Variants in XIRP2 observed in about 807,000 individuals in gnomAD.
The protein encoded by XIRP2 is xin actin-binding repeat-containing protein 2.
In XIRP2, 236 loss-of-function variants were observed where a neutral mutation model predicts 277.0. The observed-to-expected ratio is 0.85, with a 90% CI of 0.77 to 0.95. The LOEUF (loss-of-function observed/expected upper bound fraction) is 0.95, where lower values mean the gene tolerates loss of function less well. XIRP2 is among the 40% of genes least tolerant of loss of function. The pLI is 0.00. For missense variants in XIRP2, 4,640 were observed against 4,157.5 expected (o/e 1.12, Z -3.19); for synonymous variants, 1,490 against 1,416.5 (o/e 1.05, Z -1.17).
At position 167,251,483 on chromosome 2, in the gene XIRP2, T is replaced by C. The variant is rs200019960; in HGVS notation, c.10091T>C (p.Ile3364Thr). The C allele has an allele frequency of 7.4e-5, 119 of 1,613,504 alleles. No homozygotes were observed. In the African/African-American group the frequency reaches 9.6e-4, roughly 13 times the overall value. Residue 3364 changes from isoleucine to threonine, a missense_variant, in exon 9 of 11, where the codon ATA (isoleucine) becomes ACA (threonine). Transcript: ENST00000409195. ...GCAAAGGGAGAAACAAACCATAACATACAACAAGAAAGTCGTACATTTTGT... is the reference window on the plus strand; with the variant it reads ...GCAAAGGGAGAAACAAACCATAACACACAACAAGAAAGTCGTACATTTTGT... ...VYAKGETNHN[I>T]QQESRTFCKE...
In XIRP2 at chr2:167,244,696, C is replaced by T; in HGVS notation, c.3304C>T (p.Pro1102Ser). 3.1e-6 allele frequency: 5 copies of T among 1,613,430 alleles called. No individual in the cohort carries two copies. Among genetic ancestry groups the T allele is most frequent in the Non-Finnish European group, 4.2e-6 (5 of 1,179,696 alleles). Residue 1102 changes from proline (P) to serine (S), a missense_variant, in exon 9 of 11, where the codon CCA becomes TCA. Pro to Ser is a moderately conservative substitution (Grantham distance 74). Coordinates refer to ENST00000409195, the MANE Select transcript of XIRP2 (RefSeq NM_152381.6). ...KTCKWLFETQ[P>S]MESLYEKVSL... is the part of the protein sequence containing the mutation. Reference sequence around the variant, plus strand: ...CTGTAAATGGCTTTTTGAGACCCAGCCAATGGAGTCTCTTTATGAAAAAGT... The same window carrying T: ...CTGTAAATGGCTTTTTGAGACCCAGTCAATGGAGTCTCTTTATGAAAAAGT...
chr2:167,126,340 C>A (rs1192444704), intron 2 of XIRP2, among the ~76,000 whole-genome samples: 2 of 152,080 alleles, frequency 1.3e-5, no homozygotes, highest in African/African-American at 2.4e-5. Flanking sequence ...TAAGCCAAGA[C>A]TGGAAAGGTT....
intron 2 of XIRP2, among the ~76,000 whole-genome samples, chr2:166,945,255 C>T (rs752502220): frequency 6.6e-6 from 1 of 152,120 alleles, no homozygotes; most frequent in Non-Finnish European, 1.5e-5. Flanking sequence ...CCTCTGTAGT[C>T]TCCTATACAT....
intron 1 of XIRP2, among the ~76,000 whole-genome samples, chr2:166,901,067 G>A (rs1408093013): frequency 6.6e-6 from 1 of 152,118 alleles, no homozygotes; most frequent in Non-Finnish European, 1.5e-5. Flanking sequence ...TAAGGGTTTA[G>A]TTGTGGTTTT....
chr2:167,247,859 C>G lies in XIRP2; in HGVS notation c.6467C>G (p.Thr2156Arg), dbSNP rs780949095. ...AAAAATATTAAAATATTAACTGATA[C>G]ACAAAGCTCCAAGCCCAGTCCCACC... is the stretch of plus-strand genomic sequence containing the variant. ...KTKNIKILTD[T>R]QSSKPSPTQH... The change falls in exon 9 of 11, where the codon ACA becomes AGA. Residue 2156 changes from threonine (T) to arginine (R), a missense_variant. By Grantham distance (71) the Thr-to-Arg change is moderately conservative. Coordinates refer to ENST00000409195, the MANE Select transcript of XIRP2 (RefSeq NM_152381.6). 3.1e-6 allele frequency: 5 copies of G among 1,613,522 alleles called. No homozygotes were observed. The highest frequency in any genetic ancestry group is 4.2e-6 in the Non-Finnish European group (5 of 1,179,738).
At chr2:166,913,260 G>A (rs920338294) in intron 2 of XIRP2, among the ~76,000 whole-genome samples, 2 of 151,782 alleles carry the variant, frequency 1.3e-5, no homozygotes, top group Admixed American at 6.6e-5. Context: ...CACCCAGTTC[G>A]AGCTTCCTGG....
At chr2:166,971,847 G>C (rs1041706837) in intron 2 of XIRP2, among the ~76,000 whole-genome samples, 1 of 152,004 alleles carries the variant, frequency 6.6e-6, no homozygotes, top group Non-Finnish European at 1.5e-5. Flanking sequence ...TACCAACTTG[G>C]GTGAAGGGCA....
At chr2:167,094,201 T>C (rs947540746) in intron 2 of XIRP2, among the ~76,000 whole-genome samples, 1 of 152,198 alleles carries the variant, frequency 6.6e-6, no homozygotes, top group Non-Finnish European at 1.5e-5. Context: ...AAGTTCCTTG[T>C]AGATTCTGGA....
intron 2 of XIRP2, among the ~76,000 whole-genome samples, chr2:167,096,092 T>TA (rs1690309302): frequency 6.6e-6 from 1 of 151,618 alleles, no homozygotes; most frequent in Admixed American, 6.6e-5. Flanking sequence ...CCTCTTTTTT[T>TA]TTATTATTGG....
intron 3 of XIRP2, among the ~76,000 whole-genome samples, chr2:167,153,535 T>C (rs1163493214): frequency 6.6e-6 from 1 of 152,044 alleles, no homozygotes. Flanking sequence ...ATTAGGTATA[T>C]CTCCTAAAGC....
At chr2:166,994,473 A>G (rs1179084400) in intron 2 of XIRP2, among the ~76,000 whole-genome samples, 3 of 124,662 alleles carry the variant, frequency 2.4e-5, no homozygotes. Context: ...AACTTAGAGT[A>G]TAATAAAAAA....
At chr2:167,141,873 T>C (rs1054300192) in intron 3 of XIRP2, among the ~76,000 whole-genome samples, 2 of 151,788 alleles carry the variant, frequency 1.3e-5, no homozygotes, top group Admixed American at 6.6e-5. Context: ...AAATAAAATA[T>C]AGAAAAGAAA....
intron 2 of XIRP2, among the ~76,000 whole-genome samples, chr2:166,930,275 A>G (rs1048481511): frequency 4.6e-5 from 7 of 152,164 alleles, no homozygotes; most frequent in African/African-American, 1.2e-4. Context: ...AACATCAAAC[A>G]TATGATTTAC....
chr2:166,937,508 T>C (rs1685553266), intron 2 of XIRP2, among the ~76,000 whole-genome samples: 2 of 152,218 alleles, frequency 1.3e-5, no homozygotes, highest in East Asian at 1.9e-4. Flanking sequence ...AGTATTTTTT[T>C]GAGGATTTTT....
intron 2 of XIRP2, among the ~76,000 whole-genome samples, chr2:166,964,332 G>A (rs1686372412): frequency 1.3e-5 from 2 of 151,790 alleles, no homozygotes; most frequent in Non-Finnish European, 2.9e-5. Context: ...GCAGGAGGAT[G>A]TTACAATCAG....
Position 167,152,871 on chromosome 2 carries a change from A to C in XIRP2, c.562+16809A>C, listed in dbSNP as rs563771542. On this transcript the variant is annotated intron_variant, in intron 3 of 10. Transcript: ENST00000409195. ...TAGAAAGTTCTTAGGTGTCTTTTCT[A>C]AAAGGTGGGTGGTTCTGTACCACAG... Among the ~76,000 whole-genome samples, 27 of 152,234 alleles carry C rather than the reference A, an allele frequency of 1.8e-4. No individual in the cohort carries two copies. The East Asian group carries it at 5.0e-3, about 28-fold the overall frequency.
chr2:167,251,571 T>G lies in XIRP2; in HGVS notation c.10179T>G (p.His3393Gln), dbSNP rs545474568. The G allele has an allele frequency of 2.6e-4, 423 of 1,613,564 alleles. 6 individuals are homozygous for G. The South Asian group carries it at 4.5e-3, about 17-fold the overall frequency. ...NTSFTDFSCK[H>Q]PRELREKIPV... is the part of the protein sequence containing the mutation. ...GTTTTACAGACTTTTCTTGCAAACA[T>G]CCTAGAGAACTGCGAGAAAAGATTC... The change falls in exon 9 of 11, where the codon CAT becomes CAG. Residue 3393 changes from histidine to glutamine, a missense_variant. By Grantham distance (24) the His-to-Gln change is conservative (BLOSUM62 0). Transcript: ENST00000409195.
rs984756351 is a variant in XIRP2, at chr2:167,217,765, GT to G, written c.724-399del. Among the ~76,000 whole-genome samples the G allele has an allele frequency of 1.4e-4, 21 of 152,124 alleles. No individual in the cohort carries two copies. The East Asian group carries it at 1.7e-3, about 13-fold the overall frequency. The stretch of plus-strand genomic sequence containing the variant: ...ATTTTAAAATTATTCTTAATAATGT[GT>G]TCCCTATATAGATGTTTGGGATTTT... On this transcript the variant is annotated intron_variant, in intron 4 of 10. Transcript: ENST00000409195.
chr2:167,081,178 A>C (rs1689719301), intron 2 of XIRP2, among the ~76,000 whole-genome samples: 1 of 152,218 alleles, frequency 6.6e-6, no homozygotes, highest in Non-Finnish European at 1.5e-5. Flanking sequence ...AGGAATTGAA[A>C]TACAAGGGCA....
Sources: allele counts gnomAD v4.1 joint callset (sites outside exome capture counted in the v4.1 genomes callset), GRCh38; gene constraint gnomAD v4.1.1; transcripts MANE v1.5; gene names NCBI Gene and HGNC (gene_info 2026-07-23, HGNC 2026-07-21).